Variants in NOC2L observed in about 807,000 individuals in gnomAD.
NOC2L encodes the protein NOC2 like nucleolar associated transcriptional repressor.
A neutral mutation model predicts 94.2 loss-of-function variants in NOC2L; 101 were observed. That is an observed-to-expected ratio of 1.07 (90% confidence interval 0.91 to 1.26). The LOEUF is 1.26. NOC2L is among the 50% of genes most tolerant of loss of function. The pLI is 0.00. For missense variants in NOC2L, 1,076 were observed against 980.1 expected, an observed-to-expected ratio of 1.10 and a Z score of -1.31; for synonymous variants, 531 against 413.4, an observed-to-expected ratio of 1.28 and a Z score of -3.45.
chr1:946,280 A>G lies in NOC2L; in HGVS notation c.1810T>C (p.Trp604Arg). The change falls in exon 16 of 19, where the codon TGG becomes CGG. Residue 604 changes from tryptophan (W) to arginine (R), a missense_variant. Trp to Arg is a moderately radical substitution (Grantham distance 101, BLOSUM62 -3). This residue lies in a region of NOC2L where 615 missense variants were observed against 577.4 expected (regional missense o/e 1.07). Transcript: ENST00000327044. The stretch of plus-strand genomic sequence containing the variant: ...CCCTCTTCCCGGGTCAGCTTCTCCC[A>G]GGCTTCCTGGGGGGTTGGGGGAGTT... ...GVSEQQAVEAWEKLTREEGTP... is the reference protein window; with the variant it reads ...GVSEQQAVEAREKLTREEGTP... The G allele has an allele frequency of 2.5e-6, 4 of 1,613,380 alleles. No individual in the cohort carries two copies. Among genetic ancestry groups the G allele is most frequent in the East Asian group, 2.2e-5 (1 of 44,870 alleles).
intron 6 of NOC2L, among the ~76,000 whole-genome samples, chr1:954,872 A>T (rs185038034): frequency 1.3e-5 from 2 of 152,124 alleles, no homozygotes; most frequent in African/African-American, 2.4e-5. Flanking sequence ...AAACAAAACA[A>T]AACATTTACC....
intron 14 of NOC2L, 59 bp from the exon 15 acceptor site, chr1:946,604 C>A: frequency 6.3e-7 from 1 of 1,581,562 alleles, no homozygotes; most frequent in South Asian, 1.1e-5. Flanking sequence ...CACAGCTGGC[C>A]CAGGTCCTGT....
chr1:944,858 A>G (rs3748592), intron 18 of NOC2L, 58 bp from the exon 19 acceptor site: 1,250,335 of 1,327,698 alleles, frequency 0.94, 588,902 homozygotes, highest in Non-Finnish European at 0.95. Context: ...AGCCAGCCTT[A>G]GAGGTTACTC....
chr1:953,649 G>T, intron 8 of NOC2L, 133 bp downstream of exon 8: 1 of 692,644 alleles, frequency 1.4e-6, no homozygotes, highest in Non-Finnish European at 2.5e-6. Flanking sequence ...GTGCTTCTGT[G>T]GCCTCTCTAG....
intron 14 of NOC2L, among the ~76,000 whole-genome samples, chr1:947,885 G>C (rs533141738): frequency 2.0e-5 from 3 of 152,362 alleles, no homozygotes; most frequent in Non-Finnish European, 1.5e-5. Context: ...TTCCCACCTG[G>C]GGAGGAGGCT....
chr1:950,052 G>A (rs1480464249), intron 12 of NOC2L, among the ~76,000 whole-genome samples: 4 of 152,226 alleles, frequency 2.6e-5, no homozygotes, highest in Non-Finnish European at 5.9e-5. Context: ...TACCTGAGTG[G>A]CATGTGCACG....
At position 949,014 on chromosome 1, in the gene NOC2L, C is replaced by T. The variant is rs4517296; in HGVS notation, c.1444-411G>A. On this transcript the variant is annotated intron_variant, in intron 12 of 18. Coordinates refer to ENST00000327044, the MANE Select transcript of NOC2L (RefSeq NM_015658.4). Reference sequence around the variant, plus strand: ...CTCAGCACAGCAATGCCACATGGGGCTCCGTCCCGAGCAACCAGAAGACGC... The same window carrying T: ...CTCAGCACAGCAATGCCACATGGGGTTCCGTCCCGAGCAACCAGAAGACGC... 4.0e-3 allele frequency among the ~76,000 whole-genome samples: 577 copies of T among 143,062 alleles called. 7 individuals are homozygous for T. The highest frequency in any genetic ancestry group is 0.014 in the African/African-American group (554 of 38,874). 93.9% of individuals were successfully genotyped at this position (143,062 alleles called of 152,430 possible). A position where few individuals can be genotyped will look rare whatever the true frequency, so the allele number is the denominator to read the frequency against.
chr1:946,616 CAAAA>C (rs1272192760), intron 14 of NOC2L, 71 bp from the exon 15 acceptor site: 53 of 1,560,292 alleles, frequency 3.4e-5, no homozygotes, highest in Non-Finnish European at 1.0e-5. Context: ...AGGTCCTGTG[CAAAA>C]CCACGCGTGG....
intron 18 of NOC2L, 123 bp from the exon 19 acceptor site, chr1:944,923 A>T: frequency 3.4e-6 from 5 of 1,459,082 alleles, no homozygotes; most frequent in Non-Finnish European, 4.7e-6. Context: ...GCTGCCAGAG[A>T]ACAGAGCATT....
At position 953,822 on chromosome 1, in the gene NOC2L, C is replaced by T. The variant is rs1271683140; in HGVS notation, c.848G>A (p.Cys283Tyr). The T allele has an allele frequency of 1.2e-6, 2 of 1,613,074 alleles. No homozygotes were observed. The highest frequency in any genetic ancestry group is 1.7e-5 in the Admixed American group (1 of 60,022). ...VLRHISVLVP[C>Y]FLTFPKQCRM... is the part of the protein sequence containing the mutation. Reference sequence around the variant, plus strand: ...GCACTGCTTGGGGAAGGTCAGGAAGCAGGGCACCAGCACGCTGATGTGCCG... The same window carrying T: ...GCACTGCTTGGGGAAGGTCAGGAAGTAGGGCACCAGCACGCTGATGTGCCG... Residue 283 changes from cysteine to tyrosine, a missense_variant, in exon 8 of 19, where the codon TGC (cysteine) becomes TAC (tyrosine). Around this residue, in one of 3 missense-constraint regions of NOC2L, gnomAD observed 457 missense variants for 386.0 expected, o/e 1.18. Transcript: ENST00000327044.
rs752461609 is a variant in NOC2L, at chr1:946,537, C to T, written c.1668G>A (p.Ser556=). The change falls in exon 15 of 19, where the codon TCG becomes TCA. Residue 556 remains serine, a synonymous_variant. Coordinates refer to ENST00000327044, the MANE Select transcript of NOC2L (RefSeq NM_015658.4). ...LVLPVVLQLK[S]FLRECKVANY... Reference sequence around the variant, plus strand: ...TGGCCACCTTGCACTCCCGGAGGAACGACTTCAGCTGCGGAAGGGAGGGGT... The same window carrying T: ...TGGCCACCTTGCACTCCCGGAGGAATGACTTCAGCTGCGGAAGGGAGGGGT... The T allele has an allele frequency of 9.3e-6, 15 of 1,611,630 alleles. No individual in the cohort carries two copies. The East Asian group carries it at 1.6e-4, about 17-fold the overall frequency.
intron 10 of NOC2L, 135 bp downstream of exon 10, chr1:952,277 A>T: frequency 1.4e-6 from 2 of 1,395,658 alleles, no homozygotes; most frequent in Non-Finnish European, 2.0e-6. Context: ...CCCACCTGCA[A>T]GGACCGACTG....
At chr1:945,212 G>C in intron 17 of NOC2L, 66 bp from the exon 18 acceptor site, 1 of 1,528,528 alleles carries the variant, frequency 6.5e-7, no homozygotes, top group Non-Finnish European at 8.8e-7. Context: ...AGTCACAGTG[G>C]GGGCAGGAGG....
intron 9 of NOC2L, 109 bp from the exon 10 acceptor site, chr1:952,709 G>A (rs1234513048): frequency 5.4e-6 from 6 of 1,113,396 alleles, no homozygotes; most frequent in South Asian, 1.3e-5. Context: ...GCTGGGCCTC[G>A]AGGAAGAGCC....
At position 946,528 on chromosome 1, in the gene NOC2L, C is replaced by G. The variant is rs1642122862; in HGVS notation, c.1677G>C (p.Arg559=). ...PVVLQLKSFL[R]ECKVANYCRQ... ...GGCAGTAGTTGGCCACCTTGCACTC[C>G]CGGAGGAACGACTTCAGCTGCGGAA... The change falls in exon 15 of 19, where the codon CGG becomes CGC. Residue 559 remains arginine (R), a synonymous_variant. Transcript: ENST00000327044. 3 of 1,612,418 alleles carry G rather than the reference C, an allele frequency of 1.9e-6. No homozygotes were observed. The highest frequency in any genetic ancestry group is 2.7e-5 in the African/African-American group (2 of 74,926).
chr1:951,227 G>A lies in NOC2L; in HGVS notation c.1343C>T (p.Thr448Ile). 6.3e-7 allele frequency: 1 copy of A among 1,584,540 alleles called. No homozygotes were observed. The highest frequency in any genetic ancestry group is 8.6e-7 in the Non-Finnish European group (1 of 1,165,482). ...CATTCGCAGCGGGTAGAAGCGGGCAGTGGGGATGAGCCTGGGGGTGGGAAG... is the reference window on the plus strand; with the variant it reads ...CATTCGCAGCGGGTAGAAGCGGGCAATGGGGATGAGCCTGGGGGTGGGAAG... ...VIIGCIKLIP[T>I]ARFYPLRMHC... is the part of the protein sequence containing the mutation. Residue 448 changes from threonine (T) to isoleucine (I), a missense_variant, in exon 12 of 19, where the codon ACT becomes ATT. This residue lies in a region of NOC2L where 615 missense variants were observed against 577.4 expected (regional missense o/e 1.07). Coordinates refer to ENST00000327044, the MANE Select transcript of NOC2L (RefSeq NM_015658.4).
chr1:952,623 G>T, intron 9 of NOC2L, 23 bp from the exon 10 acceptor site: 1 of 1,612,680 alleles, frequency 6.2e-7, no homozygotes, highest in Admixed American at 1.7e-5. Flanking sequence ...CCGGGTCAGA[G>T]CCACCTGGGA....
intron 4 of NOC2L, 81 bp from the exon 5 acceptor site, chr1:956,296 G>GCACCCT (rs954591968): frequency 9.1e-6 from 14 of 1,546,340 alleles, no homozygotes; most frequent in Admixed American, 3.4e-5. Context: ...CCAGAGAAAG[G>GCACCCT]CACCCTCACC....
Position 944,307 on chromosome 1 carries a change from T to C in NOC2L, c.*387A>G, listed in dbSNP as rs2839. Reference sequence around the variant, plus strand: ...GACTTCAAAGGAAAGGAACAAATTTTCAAAGACTTGGGGGAGTGAAGGCAG... The same window carrying C: ...GACTTCAAAGGAAAGGAACAAATTTCCAAAGACTTGGGGGAGTGAAGGCAG... On this transcript the variant is annotated 3_prime_UTR_variant, in exon 19 of 19. Transcript: ENST00000327044. 0.94 allele frequency: 1,312,717 copies of C among 1,392,454 alleles called. 618,881 individuals carry two copies. Among genetic ancestry groups the C allele is most frequent in the Non-Finnish European group, 0.95 (1,020,789 of 1,078,610 alleles). The allele number at this position is 1,392,454 out of a possible 1,614,324, so 86.3% of individuals were successfully genotyped here.
Sources: gnomAD v4.1 joint callset for allele counts (sites outside exome capture counted in the v4.1 genomes callset) on GRCh38, gnomAD v4.1.1 for gene constraint, gnomAD v4.1.1 regional missense constraint, MANE v1.5 for transcripts, NCBI Gene and HGNC (gene_info 2026-07-23, HGNC 2026-07-21) for gene names.